Variants in KIAA0930 observed in about 807,000 individuals in gnomAD.
KIAA0930 encodes the protein KIAA0930.
A neutral mutation model predicts 43.9 loss-of-function variants in KIAA0930; 24 were observed. The ratio of observed to expected loss-of-function variants is 0.55; its 90% CI spans 0.40 to 0.77. KIAA0930 has a LOEUF of 0.77. Ranked by LOEUF, KIAA0930 falls within the 30% of genes least tolerant of loss-of-function variation. The pLI, the probability that KIAA0930 is intolerant of heterozygous loss-of-function variation, is 0.00. For missense variants in KIAA0930, 461 were observed against 574.2 expected (o/e 0.80, Z 2.02); for synonymous variants, 259 against 216.4 (o/e 1.20, Z -1.73).
chr22:45,192,856 A>G lies in KIAA0930; in HGVS notation c.*4320T>C, dbSNP rs2083501580. On this transcript the variant is annotated 3_prime_UTR_variant, in exon 10 of 10. Transcript: ENST00000336156. ...CACTCGGTGTCCCGAGGAGTGCTCC[A>G]GGGCTCGGAGAAGGGGCTCAGGGGT... 6.6e-6 allele frequency: 1 copy of G among 152,256 alleles called. No individual in the cohort carries two copies. 9.4% of individuals were successfully genotyped at this position (152,256 alleles called of 1,614,324 possible).
chr22:45,202,081 T>C (rs1404925660), intron 7 of KIAA0930, among the ~76,000 whole-genome samples: 1 of 152,256 alleles, frequency 6.6e-6, no homozygotes, highest in Non-Finnish European at 1.5e-5. Context: ...CCCAAGGTTA[T>C]GAGAGCAGCA....
chr22:45,206,890 G>T (rs2083642965), intron 2 of KIAA0930, among the ~76,000 whole-genome samples: 1 of 151,924 alleles, frequency 6.6e-6, no homozygotes, highest in Non-Finnish European at 1.5e-5. Context: ...GTAGAGACAG[G>T]ATTTCACCAT....
intron 1 of KIAA0930, among the ~76,000 whole-genome samples, chr22:45,239,953 C>A (rs1001467395): frequency 5.3e-5 from 8 of 152,252 alleles, no homozygotes; most frequent in African/African-American, 1.9e-4. Context: ...CCCACCCACA[C>A]CTGCAGTCCC....
At chr22:45,218,869 C>T (rs1245004942) in intron 1 of KIAA0930, among the ~76,000 whole-genome samples, 1 of 152,192 alleles carries the variant, frequency 6.6e-6, no homozygotes, top group Non-Finnish European at 1.5e-5. Flanking sequence ...ACAGGGGCCA[C>T]TCTGAGCCCT....
chr22:45,198,090 C>T (rs2083553857), intron 8 of KIAA0930, 142 bp from the exon 9 acceptor site: 3 of 751,910 alleles, frequency 4.0e-6, no homozygotes, highest in East Asian at 2.6e-5. Context: ...CCAGCACCCA[C>T]ACGCTCCAGA....
intron 8 of KIAA0930, among the ~76,000 whole-genome samples, chr22:45,199,160 T>C (rs1201319478): frequency 6.6e-6 from 1 of 152,128 alleles, no homozygotes; most frequent in African/African-American, 2.4e-5. Context: ...CTAATCTGAT[T>C]GTGTCACTCC....
chr22:45,215,564 T>C (rs565182707), intron 1 of KIAA0930, among the ~76,000 whole-genome samples: 1 of 152,338 alleles, frequency 6.6e-6, no homozygotes, highest in South Asian at 2.1e-4. Context: ...ATTTCTGACA[T>C]TTCCCCGAGG....
Position 45,212,104 on chromosome 22 carries a change from C to T in KIAA0930, c.68G>A (p.Cys23Tyr), listed in dbSNP as rs1315883787. Residue 23 changes from cysteine (C) to tyrosine (Y), a missense_variant, in exon 2 of 10, where the codon TGC becomes TAC. Cys to Tyr is a radical substitution (Grantham distance 194). Coordinates refer to ENST00000336156, the MANE Select transcript of KIAA0930 (RefSeq NM_001009880.2). Reference protein sequence around the residue: ...SLRREVCGLGCFKDDRIVFWT... With the variant: ...SLRREVCGLGYFKDDRIVFWT... The stretch of plus-strand genomic sequence containing the variant: ...GAAGACGATGCGGTCATCCTTGAAG[C>T]ACCCTGCAGAGGGAGGCCAGACAGG... The T allele has an allele frequency of 6.2e-7, 1 of 1,613,762 alleles. No individual in the cohort carries two copies. The highest frequency in any genetic ancestry group is 1.3e-5 in the African/African-American group (1 of 75,062).
At chr22:45,219,651 A>C (rs1394822786) in intron 1 of KIAA0930, among the ~76,000 whole-genome samples, 1 of 130,724 alleles carries the variant, frequency 7.6e-6, no homozygotes, top group Admixed American at 9.5e-5. Flanking sequence ...GAATAACATC[A>C]TGTGATCTCG....
Position 45,212,094 on chromosome 22 carries a change from A to G in KIAA0930, c.78T>C (p.Asp26=), listed in dbSNP as rs2083699274. The G allele has an allele frequency of 1.2e-6, 2 of 1,613,870 alleles. No individual in the cohort carries two copies. The highest frequency in any genetic ancestry group is 2.7e-5 in the African/African-American group (2 of 75,058). The part of the protein sequence containing the change: ...REVCGLGCFK[D]DRIVFWTWMF... ...TCCAAGTCCAGAAGACGATGCGGTC[A>G]TCCTTGAAGCACCCTGCAGAGGGAG... is the stretch of plus-strand genomic sequence containing the variant. Residue 26 remains aspartate, a synonymous_variant, in exon 2 of 10, where the codon GAT becomes GAC. Transcript: ENST00000336156.
At chr22:45,204,968 C>G (rs1321778650) in intron 5 of KIAA0930, among the ~76,000 whole-genome samples, 2 of 152,124 alleles carry the variant, frequency 1.3e-5, no homozygotes, top group Non-Finnish European at 2.9e-5. Flanking sequence ...GTCTTCAGCC[C>G]TGACAGTAAG....
Position 45,202,970 on chromosome 22 carries a change from C to A in KIAA0930, c.852+20G>T. Reference sequence around the variant, plus strand: ...AACTTGACGGATGGGAGCCCCCGCCCCCAGCTGTGCAGCCCTTACCCGCTC... The same window carrying A: ...AACTTGACGGATGGGAGCCCCCGCCACCAGCTGTGCAGCCCTTACCCGCTC... On this transcript the variant is annotated intron_variant, in intron 7 of 9. Transcript: ENST00000336156. 1 of 1,572,040 alleles carries A rather than the reference C, an allele frequency of 6.4e-7. No individual in the cohort carries two copies. The highest frequency in any genetic ancestry group is 8.6e-7 in the Non-Finnish European group (1 of 1,157,776).
Position 45,205,776 on chromosome 22 carries a change from C to T in KIAA0930, c.336+17G>A. 1 of 1,539,328 alleles carries T rather than the reference C, an allele frequency of 6.5e-7. No individual in the cohort carries two copies. The highest frequency in any genetic ancestry group is 9.0e-7 in the Non-Finnish European group (1 of 1,115,318). ...CCCACAGGGCCAATCCGCAGCCCCA[C>T]CCATCCCACCCCATACCTTCTGCAG... On this transcript the variant is annotated intron_variant, in intron 3 of 9. Coordinates refer to ENST00000336156, the MANE Select transcript of KIAA0930 (RefSeq NM_001009880.2).
intron 1 of KIAA0930, among the ~76,000 whole-genome samples, chr22:45,214,968 A>C (rs557957457): frequency 6.6e-6 from 1 of 152,154 alleles, no homozygotes; most frequent in East Asian, 1.9e-4. Flanking sequence ...CTGTAATTCC[A>C]GCACTTTAGG....
chr22:45,212,341 C>T (rs1289155423), intron 1 of KIAA0930: 2 of 1,610,910 alleles, frequency 1.2e-6, no homozygotes, highest in Non-Finnish European at 1.7e-6. Context: ...CCTGAGAGCC[C>T]ATGCTCCCAG....
chr22:45,216,602 G>A (rs2083734131), intron 1 of KIAA0930, among the ~76,000 whole-genome samples: 1 of 152,126 alleles, frequency 6.6e-6, no homozygotes, highest in African/African-American at 2.4e-5. Context: ...TCTCCCACAA[G>A]CAAACCCCTT....
chr22:45,231,055 C>G (rs941171179), intron 1 of KIAA0930, among the ~76,000 whole-genome samples: 2 of 151,816 alleles, frequency 1.3e-5, no homozygotes, highest in African/African-American at 4.8e-5. Context: ...TCAAGACCAG[C>G]CTGACCAACA....
intron 1 of KIAA0930, among the ~76,000 whole-genome samples, chr22:45,233,310 G>A (rs1412223160): frequency 1.3e-5 from 2 of 152,168 alleles, no homozygotes; most frequent in African/African-American, 4.8e-5. Flanking sequence ...GACACGGTGT[G>A]GTACAGGGTG....
At chr22:45,210,727 C>T (rs915217889) in intron 2 of KIAA0930, among the ~76,000 whole-genome samples, 4 of 152,228 alleles carry the variant, frequency 2.6e-5, no homozygotes, top group South Asian at 2.1e-4. Flanking sequence ...GTCAGGCCTC[C>T]TCTTCATCCC....
Sources: gnomAD v4.1 joint callset for allele counts (sites outside exome capture counted in the v4.1 genomes callset) on GRCh38, gnomAD v4.1.1 for gene constraint, MANE v1.5 for transcripts, NCBI Gene and HGNC (gene_info 2026-07-23, HGNC 2026-07-21) for gene names.